Variants in MAP2K5 observed in about 807,000 individuals in gnomAD.
MAP2K5 encodes the protein dual specificity mitogen-activated protein kinase kinase 5.
MAP2K5 carries 49 observed loss-of-function variants against 83.1 expected under a neutral mutation model. The observed-to-expected ratio is 0.59, with a 90% CI of 0.47 to 0.75. The LOEUF is 0.75. Among genes scored for constraint, MAP2K5 ranks in the 30% least tolerant of loss-of-function variants. MAP2K5 has a pLI of 0.00. For missense variants in MAP2K5, 457 were observed against 557.5 expected, an observed-to-expected ratio of 0.82 and a Z score of 1.82; for synonymous variants, 202 against 191.8, an observed-to-expected ratio of 1.05 and a Z score of -0.44.
chr15:67,615,673 T>C (rs2086039125), intron 8 of MAP2K5, among the ~76,000 whole-genome samples: 1 of 152,062 alleles, frequency 6.6e-6, no homozygotes, highest in African/African-American at 2.4e-5. Flanking sequence ...TAAATTTTAA[T>C]TTAAAAATTT....
chr15:67,573,683 A>T lies in MAP2K5; in HGVS notation c.253-7071A>T, dbSNP rs1286532061. ...TTACAGGATGTTTAGAGTTAAGGGAACAGGTTAATAGCATTTACCAAACAG... is the reference window on the plus strand; with the variant it reads ...TTACAGGATGTTTAGAGTTAAGGGATCAGGTTAATAGCATTTACCAAACAG... On this transcript the variant is annotated intron_variant, in intron 3 of 21. Coordinates refer to ENST00000178640, the MANE Select transcript of MAP2K5 (RefSeq NM_145160.3). This position sits in a 1 kb window ranked among gnomAD's most constrained non-coding sequence, Gnocchi z 4.2. Among the ~76,000 whole-genome samples the T allele has an allele frequency of 6.6e-6, 1 of 152,226 alleles. No individual in the cohort carries two copies. The highest frequency in any genetic ancestry group is 1.5e-5 in the Non-Finnish European group (1 of 68,032).
At chr15:67,571,532 C>T (rs756459050) in intron 3 of MAP2K5, among the ~76,000 whole-genome samples, 3 of 151,976 alleles carry the variant, frequency 2.0e-5, no homozygotes, top group Non-Finnish European at 4.4e-5. Context: ...CCTATTGTTG[C>T]GAACATGTTT....
At chr15:67,713,324 G>A (rs544613683) in intron 16 of MAP2K5, among the ~76,000 whole-genome samples, 1 of 152,262 alleles carries the variant, frequency 6.6e-6, no homozygotes, top group African/African-American at 2.4e-5. Context: ...TACACATATT[G>A]TTTAATGGAT....
At chr15:67,683,235 T>G (rs909002879) in intron 13 of MAP2K5, among the ~76,000 whole-genome samples, 8 of 152,206 alleles carry the variant, frequency 5.3e-5, no homozygotes, top group African/African-American at 1.9e-4. Context: ...ATACTTTGGA[T>G]ATAAGGTAGA....
chr15:67,556,887 T>C (rs1254013431), intron 2 of MAP2K5, among the ~76,000 whole-genome samples: 1 of 152,234 alleles, frequency 6.6e-6, no homozygotes, highest in Non-Finnish European at 1.5e-5. Context: ...ATCTTCAGTT[T>C]ATTTTGGTGA....
Position 67,543,289 on chromosome 15 carries a change from G to A in MAP2K5, c.-47G>A. The A allele has an allele frequency of 6.2e-7, 1 of 1,611,748 alleles. No individual in the cohort carries two copies. Among genetic ancestry groups the A allele is most frequent in the South Asian group, 1.1e-5 (1 of 90,870 alleles). On this transcript the variant is annotated 5_prime_UTR_variant, in exon 1 of 22. Coordinates refer to ENST00000178640, the MANE Select transcript of MAP2K5 (RefSeq NM_145160.3). This position sits in a 1 kb window ranked among gnomAD's most constrained non-coding sequence, Gnocchi z 4.3. ...TCTTGGAGCCCCCTCCTAACCAGCG[G>A]CCAGTGGGTTTCCCATACCCCAGGA... is the stretch of plus-strand genomic sequence containing the variant.
In MAP2K5 at chr15:67,779,396, T is replaced by C. The variant is rs1257806100; in HGVS notation, c.1242+6644T>C. Among the ~76,000 whole-genome samples the C allele has an allele frequency of 3.9e-5, 6 of 152,250 alleles. No individual in the cohort carries two copies. Among genetic ancestry groups the C allele is most frequent in the Non-Finnish European group, 8.8e-5 (6 of 68,048 alleles). On this transcript the variant is annotated intron_variant, in intron 21 of 21. Transcript: ENST00000178640. The surrounding 1 kb of genome is among the most constrained non-coding windows in gnomAD (Gnocchi z 4.6). ...TTTAATTTGAATTTTTGATGACACA[T>C]TAGCACTTCAGCAAGAACAGAGAGA...
chr15:67,664,314 G>A (rs1351656050), intron 12 of MAP2K5, among the ~76,000 whole-genome samples: 1 of 130,720 alleles, frequency 7.6e-6, no homozygotes, highest in Non-Finnish European at 1.6e-5. Context: ...GGCAACATTA[G>A]TGAGATCCCT....
Position 67,609,526 on chromosome 15 carries a change from T to C in MAP2K5, c.545+8777T>C, listed in dbSNP as rs1029967624. On this transcript the variant is annotated intron_variant, in intron 8 of 21. Transcript: ENST00000178640. ...TCTGTAGACCTATTCTATAGGTCTG[T>C]AGATTCTGTAGACCTATTCTATAGG... Among the ~76,000 whole-genome samples the C allele has an allele frequency of 8.3e-5, 10 of 119,874 alleles. 4 individuals carry two copies. The highest frequency in any genetic ancestry group is 1.3e-4 in the African/African-American group (4 of 31,588). 78.6% of individuals were successfully genotyped at this position (119,874 alleles called of 152,430 possible).
At chr15:67,662,565 T>C (rs1244345577) in intron 12 of MAP2K5, among the ~76,000 whole-genome samples, 2 of 152,150 alleles carry the variant, frequency 1.3e-5, no homozygotes, top group South Asian at 2.1e-4. Flanking sequence ...CATGTGCATA[T>C]AGGATCAGTG....
chr15:67,601,187 T>C (rs780621003), intron 8 of MAP2K5, among the ~76,000 whole-genome samples: 1 of 152,186 alleles, frequency 6.6e-6, no homozygotes, highest in Non-Finnish European at 1.5e-5. Context: ...AAAAGCCTTC[T>C]TCCTGTTGTA....
At chr15:67,560,251 G>A (rs1049763455) in intron 2 of MAP2K5, among the ~76,000 whole-genome samples, 17 of 152,228 alleles carry the variant, frequency 1.1e-4, no homozygotes, top group African/African-American at 4.1e-4. Flanking sequence ...TGCCATCAAG[G>A]GGTCAGAGAC....
At chr15:67,800,076 G>A (rs781584366) in intron 21 of MAP2K5, among the ~76,000 whole-genome samples, 1 of 152,172 alleles carries the variant, frequency 6.6e-6, no homozygotes, top group Admixed American at 6.5e-5. Flanking sequence ...GTTGGCCCCA[G>A]GGATAGTTAT....
chr15:67,598,341 G>T (rs1265407975), intron 7 of MAP2K5, among the ~76,000 whole-genome samples: 1 of 152,196 alleles, frequency 6.6e-6, no homozygotes, highest in Non-Finnish European at 1.5e-5. Flanking sequence ...AAGTGACATG[G>T]TTCCAGAACT....
chr15:67,555,845 G>A lies in MAP2K5; in HGVS notation c.184+5763G>A, dbSNP rs956401209. ...GTCGCCCAGGCTGGAGTGCAGTGGTGTGATCTCGGCTCACTGCAACCTCCA... is the reference window on the plus strand; with the variant it reads ...GTCGCCCAGGCTGGAGTGCAGTGGTATGATCTCGGCTCACTGCAACCTCCA... On this transcript the variant is annotated intron_variant, in intron 2 of 21. Transcript: ENST00000178640. The surrounding 1 kb of genome is among the most constrained non-coding windows in gnomAD (Gnocchi z 5.2). Among the ~76,000 whole-genome samples, 4 of 151,296 alleles carry A rather than the reference G, an allele frequency of 2.6e-5. No homozygotes were observed. The highest frequency in any genetic ancestry group is 9.7e-5 in the African/African-American group (4 of 41,118).
chr15:67,580,710 A>G, intron 3 of MAP2K5, 44 bp from the exon 4 acceptor site: 1 of 1,194,554 alleles, frequency 8.4e-7, no homozygotes, highest in Middle Eastern at 2.2e-4. Context: ...CTGTTCCAGT[A>G]TTCATACATT....
At chr15:67,657,583 G>A (rs761532123) in intron 11 of MAP2K5, among the ~76,000 whole-genome samples, 1 of 151,514 alleles carries the variant, frequency 6.6e-6, no homozygotes, top group Non-Finnish European at 1.5e-5. Flanking sequence ...CAGTAGCACC[G>A]AGAGCCAAAG....
chr15:67,552,426 T>C lies in MAP2K5; in HGVS notation c.184+2344T>C, dbSNP rs949153719. ...CTTATTTCTTTTAACCATCACAAGATCCCCACGAAGTACTCGTTATTTTTT... is the reference window on the plus strand; with the variant it reads ...CTTATTTCTTTTAACCATCACAAGACCCCCACGAAGTACTCGTTATTTTTT... On this transcript the variant is annotated intron_variant, in intron 2 of 21. Coordinates refer to ENST00000178640, the MANE Select transcript of MAP2K5 (RefSeq NM_145160.3). The surrounding 1 kb of genome is among the most constrained non-coding windows in gnomAD (Gnocchi z 4.2). Among the ~76,000 whole-genome samples, 1 of 152,066 alleles carries C rather than the reference T, an allele frequency of 6.6e-6. No individual in the cohort carries two copies.
chr15:67,711,537 C>T (rs574217075), intron 16 of MAP2K5, among the ~76,000 whole-genome samples: 2 of 152,288 alleles, frequency 1.3e-5, no homozygotes, highest in South Asian at 2.1e-4. Flanking sequence ...AAGGAATTAC[C>T]GTTTGAAATG....
Sources: gnomAD v4.1 joint callset for allele counts (sites outside exome capture counted in the v4.1 genomes callset) on GRCh38, gnomAD v4.1.1 for gene constraint, Gnocchi (gnomAD v3.1) non-coding constraint, MANE v1.5 for transcripts, NCBI Gene and HGNC (gene_info 2026-07-23, HGNC 2026-07-21) for gene names.